Variants in KIAA1217 observed in about 807,000 individuals in gnomAD.
The protein encoded by KIAA1217 is KIAA1217.
Under a neutral mutation model 163.9 loss-of-function variants are expected in KIAA1217, and 88 were observed. The observed-to-expected ratio is 0.54, with a 90% confidence interval of 0.45 to 0.64. The LOEUF (loss-of-function observed/expected upper bound fraction) is 0.64. KIAA1217 is among the 30% of genes least tolerant of loss of function. KIAA1217 has a pLI of 0.00. For missense variants in KIAA1217, 2,372 were observed against 2,475.0 expected (o/e 0.96, Z 0.88); for synonymous variants, 903 against 923.1 (o/e 0.98, Z 0.39).
chr10:23,702,779 C>A (rs1284515875), intron 1 of KIAA1217, among the ~76,000 whole-genome samples: 6 of 151,716 alleles, frequency 4.0e-5, no homozygotes, highest in Non-Finnish European at 8.8e-5. Context: ...ACTGAACAGA[C>A]AATATCGAAT....
chr10:24,008,755 A>AC (rs573650351), intron 2 of KIAA1217, among the ~76,000 whole-genome samples: 2 of 152,048 alleles, frequency 1.3e-5, no homozygotes, highest in East Asian at 3.9e-4. Context: ...TACCTTTCTC[A>AC]CCCCAGGGAG....
intron 2 of KIAA1217, among the ~76,000 whole-genome samples, chr10:24,269,142 T>A (rs1031151137): frequency 5.0e-5 from 7 of 139,140 alleles, no homozygotes; most frequent in African/African-American, 1.9e-4. Context: ...CGCACCAGCA[T>A]GGCACATGTA....
intron 2 of KIAA1217, among the ~76,000 whole-genome samples, chr10:24,232,719 C>T (rs1285054421): frequency 6.6e-6 from 1 of 152,082 alleles, no homozygotes; most frequent in Non-Finnish European, 1.5e-5. Flanking sequence ...AAACTTGAGC[C>T]TTTGCCATTT....
intron 1 of KIAA1217, among the ~76,000 whole-genome samples, chr10:23,947,686 CT>C (rs1163528991): frequency 6.6e-6 from 1 of 152,048 alleles, no homozygotes; most frequent in African/African-American, 2.4e-5. Context: ...GATTGATTGC[CT>C]TACTATGTGT....
intron 2 of KIAA1217, among the ~76,000 whole-genome samples, chr10:24,012,186 T>C (rs1015603761): frequency 1.3e-5 from 2 of 152,150 alleles, no homozygotes; most frequent in South Asian, 4.1e-4. Flanking sequence ...ATGTTGACTT[T>C]CTGAGAATAT....
intron 1 of KIAA1217, 85 bp downstream of exon 1, chr10:24,209,348 G>T: frequency 1.1e-6 from 1 of 945,120 alleles, no homozygotes. Context: ...GCAGCTCTGG[G>T]ACCCGGCAAA....
chr10:23,808,673 A>G (rs1448062823), intron 1 of KIAA1217, among the ~76,000 whole-genome samples: 1 of 152,096 alleles, frequency 6.6e-6, no homozygotes, highest in African/African-American at 2.4e-5. Flanking sequence ...TAAGAGAAGA[A>G]AAAATGGAGG....
chr10:23,845,153 T>A (rs931725687), intron 1 of KIAA1217, among the ~76,000 whole-genome samples: 11 of 152,234 alleles, frequency 7.2e-5, no homozygotes, highest in African/African-American at 2.7e-4. Context: ...GACATTTGGG[T>A]TGGTTCCAAG....
At chr10:23,961,470 A>T (rs1844818128) in intron 1 of KIAA1217, among the ~76,000 whole-genome samples, 1 of 152,202 alleles carries the variant, frequency 6.6e-6, no homozygotes, top group African/African-American at 2.4e-5. Context: ...CTATAACTGT[A>T]GAAAAATTAT....
At chr10:24,049,294 C>A (rs1263853139) in intron 2 of KIAA1217, among the ~76,000 whole-genome samples, 2 of 152,034 alleles carry the variant, frequency 1.3e-5, no homozygotes, top group East Asian at 3.9e-4. Flanking sequence ...AATGCACTTG[C>A]ATTAGAGAAG....
intron 2 of KIAA1217, among the ~76,000 whole-genome samples, chr10:24,177,155 C>T (rs1341002658): frequency 4.0e-5 from 6 of 150,992 alleles, no homozygotes; most frequent in Admixed American, 1.3e-4. Flanking sequence ...CACAGTGCAG[C>T]AGTGGGCTAA....
chr10:24,145,427 G>A (rs977380713), intron 2 of KIAA1217, among the ~76,000 whole-genome samples: 4 of 152,240 alleles, frequency 2.6e-5, no homozygotes. Flanking sequence ...ACAAGAGCTA[G>A]TCTGGCAGTT....
At chr10:24,089,681 C>T (rs756427156) in intron 2 of KIAA1217, among the ~76,000 whole-genome samples, 1 of 151,836 alleles carries the variant, frequency 6.6e-6, no homozygotes, top group Non-Finnish European at 1.5e-5. Flanking sequence ...CAGTACCATG[C>T]TGTTTTGGTT....
intron 2 of KIAA1217, among the ~76,000 whole-genome samples, chr10:24,047,471 T>C (rs975686135): frequency 3.3e-5 from 5 of 152,182 alleles, no homozygotes; most frequent in African/African-American, 1.2e-4. Flanking sequence ...TTAATGTGTG[T>C]CCAGTGTTCT....
chr10:23,858,890 A>G (rs1394430555), intron 1 of KIAA1217, among the ~76,000 whole-genome samples: 2 of 152,128 alleles, frequency 1.3e-5, no homozygotes, highest in Non-Finnish European at 2.9e-5. Flanking sequence ...CTACTGTACA[A>G]TCTCAAAATC....
chr10:24,152,891 A>G (rs2064686928), intron 2 of KIAA1217, among the ~76,000 whole-genome samples: 2 of 152,220 alleles, frequency 1.3e-5, no homozygotes, highest in African/African-American at 4.8e-5. Context: ...AGGAATACAT[A>G]AGTCTTAAAT....
At chr10:24,294,488 T>A (rs903201117) in intron 2 of KIAA1217, among the ~76,000 whole-genome samples, 2 of 152,182 alleles carry the variant, frequency 1.3e-5, no homozygotes, top group Admixed American at 6.5e-5. Flanking sequence ...GTGTTTGATG[T>A]GTGTGGATGC....
At chr10:24,211,220 C>T (rs2068032366) in intron 1 of KIAA1217, among the ~76,000 whole-genome samples, 1 of 152,000 alleles carries the variant, frequency 6.6e-6, no homozygotes, top group South Asian at 2.1e-4. Flanking sequence ...TTTCAAAGAA[C>T]AGCAAGAACA....
chr10:24,072,473 CAT>C (rs1339719025), intron 2 of KIAA1217, among the ~76,000 whole-genome samples: 3 of 152,238 alleles, frequency 2.0e-5, no homozygotes, highest in Admixed American at 6.5e-5. Context: ...ATTAGGTAAA[CAT>C]AAATAATAAT....
Sources: allele counts gnomAD v4.1 joint callset (sites outside exome capture counted in the v4.1 genomes callset), GRCh38; gene constraint gnomAD v4.1.1; transcripts MANE v1.5; gene names NCBI Gene and HGNC (gene_info 2026-07-23, HGNC 2026-07-21).